The following FIP1L1 variants were observed in gnomAD, a reference collection of about 807,000 sequenced individuals.
FIP1L1 encodes factor interacting with PAPOLA and CPSF1.
A neutral mutation model predicts 84.6 loss-of-function variants in FIP1L1; 21 were observed. That is an observed-to-expected ratio of 0.25 (90% CI 0.18 to 0.36). The LOEUF (loss-of-function observed/expected upper bound fraction) is 0.36, where lower values mean the gene tolerates loss of function less well. FIP1L1 is among the 10% of genes least tolerant of loss of function. FIP1L1 has a pLI of 1.00. For missense variants in FIP1L1, 526 were observed against 751.1 expected (o/e 0.70, Z 3.50); for synonymous variants, 263 against 242.3 (o/e 1.09, Z -0.80).
At position 53,460,680 on chromosome 4, in the gene FIP1L1, T is replaced by G; in HGVS notation, c.*1231T>G. The G allele has an allele frequency of 2.1e-6, 1 of 465,750 alleles. No individual in the cohort carries two copies. Among genetic ancestry groups the G allele is most frequent in the Non-Finnish European group, 3.7e-6 (1 of 267,968 alleles). The allele number at this position is 465,750 out of a possible 1,614,324, so 28.9% of individuals were successfully genotyped here. A position where few individuals can be genotyped will look rare whatever the true frequency, so the allele number is the denominator to read the frequency against. ...TGAATAGAAAAAATATAAACAATGT[T>G]GTAGAGTAATGAGAAATCCTCCACA... On this transcript the variant is annotated 3_prime_UTR_variant, in exon 18 of 18. Transcript: ENST00000337488.
intron 16 of FIP1L1, among the ~76,000 whole-genome samples, chr4:53,457,045 A>G (rs1242185337): frequency 6.6e-6 from 1 of 152,138 alleles, no homozygotes; most frequent in Non-Finnish European, 1.5e-5. Flanking sequence ...ACATGATACT[A>G]AAAAGTTCTG....
chr4:53,391,054 C>T lies in FIP1L1; in HGVS notation c.551C>T (p.Thr184Ile), dbSNP rs372681089. The T allele has an allele frequency of 1.2e-5, 20 of 1,610,282 alleles. No individual in the cohort carries two copies. Among genetic ancestry groups the T allele is most frequent in the Non-Finnish European group, 1.7e-5 (20 of 1,178,054 alleles). Residue 184 changes from threonine (T) to isoleucine (I), a missense_variant, in exon 8 of 18, where the codon ACC becomes ATC. Physicochemically the swap from Thr to Ile is moderately conservative, Grantham distance 89. Transcript: ENST00000337488. Reference protein sequence around the residue: ...DYFNYGFNEDTWKAYCEKQKR... With the variant: ...DYFNYGFNEDIWKAYCEKQKR... Reference sequence around the variant, plus strand: ...TTTAATTATGGGTTTAATGAAGATACCTGGAAAGCTTACTGTGAAAAACAA... The same window carrying T: ...TTTAATTATGGGTTTAATGAAGATATCTGGAAAGCTTACTGTGAAAAACAA...
At chr4:53,433,134 TG>T (rs922630999) in intron 13 of FIP1L1, among the ~76,000 whole-genome samples, 9 of 152,354 alleles carry the variant, frequency 5.9e-5, no homozygotes, top group African/African-American at 2.2e-4. Context: ...TTGTTTATTG[TG>T]GTAAAATACA....
At chr4:53,389,935 T>G in intron 6 of FIP1L1, 62 bp downstream of exon 6, 1 of 1,298,180 alleles carries the variant, frequency 7.7e-7, no homozygotes, top group Admixed American at 2.2e-5. Context: ...AAATAGGTCT[T>G]AATAGCTTTT....
intron 13 of FIP1L1, among the ~76,000 whole-genome samples, chr4:53,441,299 G>A (rs1418877436): frequency 1.3e-5 from 2 of 151,918 alleles, no homozygotes; most frequent in African/African-American, 4.8e-5. Flanking sequence ...ATGCTTGCAA[G>A]GGTGGGTCTA....
At chr4:53,400,352 G>A (rs541887327) in intron 10 of FIP1L1, among the ~76,000 whole-genome samples, 1 of 152,246 alleles carries the variant, frequency 6.6e-6, no homozygotes, top group South Asian at 2.1e-4. Context: ...AGATGTAAGA[G>A]GCAAATATGC....
intron 10 of FIP1L1, among the ~76,000 whole-genome samples, chr4:53,400,168 T>A (rs947302936): frequency 2.0e-5 from 3 of 152,182 alleles, no homozygotes; most frequent in African/African-American, 7.2e-5. Context: ...CTCCCTATTC[T>A]TACATAAAGA....
intron 11 of FIP1L1, among the ~76,000 whole-genome samples, chr4:53,417,792 C>G (rs1760451206): frequency 1.7e-5 from 2 of 114,680 alleles, no homozygotes; most frequent in South Asian, 2.7e-4. Context: ...CTCTCTCTCT[C>G]TCTCTCTCTC....
chr4:53,378,271 G>T (rs980988), intron 1 of FIP1L1: 188,860 of 229,576 alleles, frequency 0.82, 77,937 homozygotes, highest in Non-Finnish European at 0.86. Context: ...TGAGGTGGTG[G>T]TTTTTGGTGT....
At chr4:53,378,993 T>A (rs1426873613) in intron 1 of FIP1L1, 80 bp from the exon 2 acceptor site, 1 of 1,413,282 alleles carries the variant, frequency 7.1e-7, no homozygotes, top group African/African-American at 1.4e-5. Context: ...TTTATAGCAG[T>A]AAAGTCTGAT....
intron 11 of FIP1L1, among the ~76,000 whole-genome samples, chr4:53,423,248 C>G (rs1360977759): frequency 6.6e-6 from 1 of 152,180 alleles, no homozygotes; most frequent in Admixed American, 6.5e-5. Context: ...TACATTAACT[C>G]AGACACCCAG....
At position 53,458,654 on chromosome 4, in the gene FIP1L1, G is replaced by A. The variant is rs778709644; in HGVS notation, c.1501G>A (p.Asp501Asn). Reference sequence around the variant, plus strand: ...AAAACATTTCTATTTCAATTTCAGCGATGAAGAACGATACAGATACAGGGA... The same window carrying A: ...AAAACATTTCTATTTCAATTTCAGCAATGAAGAACGATACAGATACAGGGA... Reference protein sequence around the residue: ...HSPTPSVFNSDEERYRYREYA... With the variant: ...HSPTPSVFNSNEERYRYREYA... The change falls in exon 17 of 18, where the codon GAT (aspartate) becomes AAT (asparagine). Residue 501 changes from aspartate (D) to asparagine (N), a missense_variant and splice_region_variant. Asp to Asn is a conservative substitution (Grantham distance 23). Coordinates refer to ENST00000337488, the MANE Select transcript of FIP1L1 (RefSeq NM_030917.4). 2.5e-6 allele frequency: 4 copies of A among 1,605,906 alleles called. No individual in the cohort carries two copies. The highest frequency in any genetic ancestry group is 2.2e-5 in the East Asian group (1 of 44,766).
intron 10 of FIP1L1, among the ~76,000 whole-genome samples, chr4:53,409,828 T>C (rs1466750256): frequency 2.0e-5 from 3 of 152,228 alleles, no homozygotes; most frequent in Non-Finnish European, 2.9e-5. Context: ...TGCGCCGTTT[T>C]TTAAGCCCAT....
chr4:53,428,337 A>C, intron 13 of FIP1L1, 154 bp downstream of exon 13: 6 of 623,000 alleles, frequency 9.6e-6, no homozygotes, highest in Non-Finnish European at 1.5e-5. Flanking sequence ...AGATATATAT[A>C]TGTTTATTGC....
chr4:53,409,445 G>T (rs950918856), intron 10 of FIP1L1, among the ~76,000 whole-genome samples: 7 of 152,182 alleles, frequency 4.6e-5, no homozygotes, highest in Admixed American at 1.3e-4. Context: ...GGGGGTCAAG[G>T]GTCAGGGACC....
chr4:53,396,960 T>C (rs1578277734), intron 9 of FIP1L1, among the ~76,000 whole-genome samples: 1 of 152,210 alleles, frequency 6.6e-6, no homozygotes, highest in South Asian at 2.1e-4. Context: ...CTTAATACTT[T>C]TGGAGAATTA....
At chr4:53,405,305 G>C (rs1317475210) in intron 10 of FIP1L1, among the ~76,000 whole-genome samples, 20 of 152,050 alleles carry the variant, frequency 1.3e-4, no homozygotes, top group Admixed American at 4.6e-4. Context: ...GTTTGTCAAA[G>C]ATCAGATAGT....
intron 15 of FIP1L1, among the ~76,000 whole-genome samples, chr4:53,450,084 T>C (rs1011545418): frequency 5.3e-5 from 8 of 152,170 alleles, no homozygotes; most frequent in African/African-American, 1.7e-4. Flanking sequence ...TTCCATTCTT[T>C]GTTATCCCTT....
At chr4:53,442,815 CTT>C in intron 14 of FIP1L1, 108 bp downstream of exon 14, 1 of 608,304 alleles carries the variant, frequency 1.6e-6, no homozygotes, top group South Asian at 2.4e-5. Context: ...CAGCACCTGT[CTT>C]TTAATTTATA....
Sources: gnomAD v4.1 joint callset for allele counts (sites outside exome capture counted in the v4.1 genomes callset) on GRCh38, gnomAD v4.1.1 for gene constraint, MANE v1.5 for transcripts, NCBI Gene and HGNC (gene_info 2026-07-23, HGNC 2026-07-21) for gene names.